LRRC66: variants seen among roughly 807,000 people sequenced by gnomAD.
The protein encoded by LRRC66 is leucine rich repeat containing 66, also known as leucine-rich repeat-containing protein 66.
Under a neutral mutation model 24.6 loss-of-function variants are expected in LRRC66, and 29 were observed. That is an observed-to-expected ratio of 1.18 (90% CI 0.88 to 1.61). LRRC66 has a LOEUF of 1.61. Ranked by LOEUF, LRRC66 falls within the 40% of genes most tolerant of loss-of-function variation. The pLI is 0.00. For synonymous variants in LRRC66, 411 were observed against 397.6 expected (o/e 1.03, Z -0.40); for missense variants, 1,124 against 1,058.0 (o/e 1.06, Z -0.87).
chr4:51,995,201 C>G lies in LRRC66; in HGVS notation c.1821G>C (p.Gly607=). 6.2e-7 allele frequency: 1 copy of G among 1,614,174 alleles called. No individual in the cohort carries two copies. The highest frequency in any genetic ancestry group is 2.2e-5 in the East Asian group (1 of 44,870). The change falls in exon 5 of 5, where the codon GGG becomes GGC. Residue 607 remains glycine (G), a synonymous_variant. Coordinates refer to ENST00000682860, the MANE Select transcript of LRRC66 (RefSeq NM_001024611.3). ...AGTCCCAAAGTGACTGTTCAGTGCC[C>G]CCTCTTTCCTTACTATCTCCAGTCC... ...AQRTGDSKER[G]GTEQSLWDSQ...
In LRRC66 at chr4:52,017,467, G is replaced by A. The variant is rs375549080; in HGVS notation, c.147C>T (p.Thr49=). The change falls in exon 2 of 5, where the codon ACC becomes ACT. Residue 49 remains threonine, a synonymous_variant. Transcript: ENST00000682860. Reference sequence around the variant, plus strand: ...TGTCCACAGGTATATCACACTTTCCGGTAAAAGAACAATTTGTCAGAATAT... The same window carrying A: ...TGTCCACAGGTATATCACACTTTCCAGTAAAAGAACAATTTGTCAGAATAT... ...NEYILTNCSF[T]GKCDIPVDIS... 1.1e-5 allele frequency: 18 copies of A among 1,613,764 alleles called. No homozygotes were observed. The highest frequency in any genetic ancestry group is 5.0e-5 in the Admixed American group (3 of 59,972).
At chr4:52,006,803 C>G (rs926473465) in intron 2 of LRRC66, among the ~76,000 whole-genome samples, 3 of 151,484 alleles carry the variant, frequency 2.0e-5, no homozygotes, top group Admixed American at 2.0e-4. Flanking sequence ...ATTGTGTACT[C>G]TTTATGCTCT....
intron 2 of LRRC66, among the ~76,000 whole-genome samples, chr4:52,012,789 T>C (rs1002183081): frequency 1.3e-5 from 2 of 152,164 alleles, no homozygotes; most frequent in African/African-American, 2.4e-5. Flanking sequence ...AGGCAGGAAT[T>C]TTATTAGCCT....
Position 52,018,058 on chromosome 4 carries a change from C to T in LRRC66, c.-5-440G>A, listed in dbSNP as rs1402628352. On this transcript the variant is annotated intron_variant, in intron 1 of 4. Transcript: ENST00000682860. ...TGTAGTTTATTACATAAATGACAAC[C>T]AGTTACACTAAACCGTGACCCTCCA... The T allele has an allele frequency of 5.1e-6, 5 of 985,374 alleles. No individual in the cohort carries two copies. The African/African-American group carries it at 7.0e-5, about 14-fold the overall frequency. 61.0% of individuals were successfully genotyped at this position (985,374 alleles called of 1,614,324 possible). A position where few individuals can be genotyped will look rare whatever the true frequency, so the allele number is the denominator to read the frequency against.
chr4:51,998,560 T>A (rs1407208307), intron 3 of LRRC66, among the ~76,000 whole-genome samples: 1 of 152,222 alleles, frequency 6.6e-6, no homozygotes, highest in Non-Finnish European at 1.5e-5. Flanking sequence ...AGAGATCTTT[T>A]GAATCAAATA....
At chr4:52,002,757 C>G (rs1031268641) in intron 3 of LRRC66, among the ~76,000 whole-genome samples, 1 of 152,204 alleles carries the variant, frequency 6.6e-6, no homozygotes, top group Non-Finnish European at 1.5e-5. Context: ...GCAACAGGGT[C>G]ACTGGGTTTC....
chr4:51,996,353 C>G (rs956984781), intron 4 of LRRC66, among the ~76,000 whole-genome samples, 188 bp from the exon 5 acceptor site: 2 of 152,070 alleles, frequency 1.3e-5, no homozygotes, highest in African/African-American at 4.8e-5. Context: ...CTCAAGTGAT[C>G]CTCCCACCTC....
intron 2 of LRRC66, among the ~76,000 whole-genome samples, chr4:52,016,883 G>A (rs755411651): frequency 6.6e-6 from 1 of 151,996 alleles, no homozygotes; most frequent in African/African-American, 2.4e-5. Flanking sequence ...CTAGTGTCTC[G>A]ATAACCGCAC....
rs758748205 is a variant in LRRC66, at chr4:52,003,275, T to C, written c.614A>G (p.Asn205Ser). 4 of 1,613,964 alleles carry C rather than the reference T, an allele frequency of 2.5e-6. No homozygotes were observed. In the African/African-American group the frequency reaches 4.0e-5, roughly 16 times the overall value. Residue 205 changes from asparagine (N) to serine (S), a missense_variant, in exon 3 of 5, where the codon AAC becomes AGC. Physicochemically the swap from Asn to Ser is conservative, Grantham distance 46. Coordinates refer to ENST00000682860, the MANE Select transcript of LRRC66 (RefSeq NM_001024611.3). ...LQLENLCLKSNKIFKIPPQAF... is the reference protein window; with the variant it reads ...LQLENLCLKSSKIFKIPPQAF... ...TTGTGGGGGAATTTTGAATATCTTGTTGCTCTTTAAACAGAGATTCTCCAG... is the reference window on the plus strand; with the variant it reads ...TTGTGGGGGAATTTTGAATATCTTGCTGCTCTTTAAACAGAGATTCTCCAG...
At chr4:52,014,537 A>T (rs1230654789) in intron 2 of LRRC66, among the ~76,000 whole-genome samples, 1 of 152,218 alleles carries the variant, frequency 6.6e-6, no homozygotes, top group Non-Finnish European at 1.5e-5. Context: ...CTATAAATAG[A>T]CTTAGAGTGA....
At chr4:52,006,848 A>G (rs571964489) in intron 2 of LRRC66, among the ~76,000 whole-genome samples, 2 of 152,234 alleles carry the variant, frequency 1.3e-5, no homozygotes, top group South Asian at 2.1e-4. Flanking sequence ...TAATCTTCAA[A>G]AAGCCTGAGG....
chr4:51,999,875 G>C (rs776995926), intron 3 of LRRC66, among the ~76,000 whole-genome samples: 1 of 152,186 alleles, frequency 6.6e-6, no homozygotes, highest in Non-Finnish European at 1.5e-5. Context: ...AGAAGAATGG[G>C]ATAAGATTAG....
intron 2 of LRRC66, among the ~76,000 whole-genome samples, chr4:52,004,474 C>T (rs1736530328): frequency 6.6e-6 from 1 of 152,178 alleles, no homozygotes; most frequent in South Asian, 2.1e-4. Flanking sequence ...TTGTATTTCA[C>T]TTGATTTCAG....
rs752920715 is a variant in LRRC66 at position 51,995,303 on chromosome 4, G to A, written c.1719C>T (p.Ser573=). 3.7e-6 allele frequency: 6 copies of A among 1,614,058 alleles called. No individual in the cohort carries two copies. The highest frequency in any genetic ancestry group is 1.6e-4 in the Middle Eastern group (1 of 6,084). Residue 573 remains serine, a synonymous_variant, in exon 5 of 5, where the codon TCC becomes TCT. Coordinates refer to ENST00000682860, the MANE Select transcript of LRRC66 (RefSeq NM_001024611.3). ...HAVSGSSRYD[S]NELDPSLSGE... ...CGGAGAGGGAAGGGTCTAATTCATT[G>A]GAATCATAACGGCTTGAGCCAGAGA...
At chr4:52,002,095 TGTGGTAA>T (rs1336886015) in intron 3 of LRRC66, among the ~76,000 whole-genome samples, 2 of 152,204 alleles carry the variant, frequency 1.3e-5, no homozygotes, top group African/African-American at 4.8e-5. Context: ...AATTGGGATG[TGTGGTAA>T]GTGCAAAATA....
intron 1 of LRRC66, 53 bp from the exon 2 acceptor site, chr4:52,017,671 A>G (rs1736852382): frequency 7.0e-7 from 1 of 1,433,926 alleles, no homozygotes; most frequent in East Asian, 2.4e-5. Flanking sequence ...AAAAACTAAC[A>G]GCAATAAGCA....
At chr4:52,006,956 G>T (rs1352253732) in intron 2 of LRRC66, among the ~76,000 whole-genome samples, 2 of 151,974 alleles carry the variant, frequency 1.3e-5, no homozygotes, top group African/African-American at 2.4e-5. Flanking sequence ...TCAAAACCTA[G>T]ATCTCTTAAT....
chr4:52,000,061 G>A (rs1736413587), intron 3 of LRRC66, among the ~76,000 whole-genome samples: 1 of 152,160 alleles, frequency 6.6e-6, no homozygotes, highest in African/African-American at 2.4e-5. Flanking sequence ...CATCCATTGT[G>A]ATATTCAGCT....
chr4:51,999,690 G>A (rs913998997), intron 3 of LRRC66, among the ~76,000 whole-genome samples: 31 of 152,056 alleles, frequency 2.0e-4, no homozygotes, highest in African/African-American at 7.0e-4. Context: ...AAAACTGGAG[G>A]GAGGATAGAA....
Sources: gnomAD v4.1 joint callset for allele counts (sites outside exome capture counted in the v4.1 genomes callset) on GRCh38, gnomAD v4.1.1 for gene constraint, MANE v1.5 for transcripts, NCBI Gene and HGNC (gene_info 2026-07-23, HGNC 2026-07-21) for gene names.